Variants in LMBR1 observed in about 807,000 individuals in gnomAD.
LMBR1 encodes limb development membrane protein 1.
In LMBR1, 52 loss-of-function variants were observed where a neutral mutation model predicts 73.9. The observed-to-expected ratio is 0.70, with a 90% CI of 0.56 to 0.89. The LOEUF is 0.89. Among genes scored for constraint, LMBR1 ranks in the 40% least tolerant of loss-of-function variants. The pLI, the probability that LMBR1 is intolerant of heterozygous loss-of-function variation, is 0.00. For missense variants in LMBR1, 539 were observed against 579.8 expected (o/e 0.93, Z 0.72); for synonymous variants, 215 against 209.4 (o/e 1.03, Z -0.23).
chr7:156,793,043 T>C (rs1428136715), intron 5 of LMBR1, among the ~76,000 whole-genome samples: 1 of 152,226 alleles, frequency 6.6e-6, no homozygotes, highest in African/African-American at 2.4e-5. Context: ...CAACTATATG[T>C]GTCAAATGTA....
At chr7:156,757,725 TTAAAG>T (rs1370551827) in intron 8 of LMBR1, among the ~76,000 whole-genome samples, 5 of 152,310 alleles carry the variant, frequency 3.3e-5, no homozygotes, top group African/African-American at 1.2e-4. Flanking sequence ...CTTTCAGACT[TTAAAG>T]TATTTTCAGA....
intron 15 of LMBR1, among the ~76,000 whole-genome samples, chr7:156,718,294 C>G (rs111766108): frequency 0.06 from 9,067 of 150,988 alleles, 360 homozygotes; most frequent in East Asian, 0.15. Flanking sequence ...CAGGTACTTG[C>G]GAGGCTGAGG....
At chr7:156,835,586 T>C (rs1281353453) in intron 2 of LMBR1, among the ~76,000 whole-genome samples, 1 of 150,554 alleles carries the variant, frequency 6.6e-6, no homozygotes, top group Non-Finnish European at 1.5e-5. Context: ...TCCCAGCTAC[T>C]AGGGAGGCTG....
chr7:156,860,411 C>A (rs1797569037), intron 1 of LMBR1, among the ~76,000 whole-genome samples: 1 of 152,142 alleles, frequency 6.6e-6, no homozygotes, highest in Non-Finnish European at 1.5e-5. Context: ...ATTCAATTAC[C>A]TCCCACTGGG....
Position 156,704,716 on chromosome 7 carries a change from G to A in LMBR1, c.1226-16525C>T, listed in dbSNP as rs1242938681. On this transcript the variant is annotated intron_variant, in intron 15 of 16. Transcript: ENST00000353442. The stretch of plus-strand genomic sequence containing the variant: ...AGTACAAAGATCAGAAATCAATATA[G>A]GATGTGAATAAGAAGTTTACTAAGG... Among the ~76,000 whole-genome samples the A allele has an allele frequency of 1.1e-4, 17 of 148,776 alleles. 1 individual carries two copies. Among genetic ancestry groups the A allele is most frequent in the Admixed American group, 1.1e-3 (17 of 14,968 alleles).
At chr7:156,700,969 G>C (rs761411046) in intron 15 of LMBR1, among the ~76,000 whole-genome samples, 1 of 152,300 alleles carries the variant, frequency 6.6e-6, no homozygotes, top group Non-Finnish European at 1.5e-5. Context: ...TTACATGGCA[G>C]CAGCAAGAGA....
chr7:156,865,910 T>A (rs1451321440), intron 1 of LMBR1, among the ~76,000 whole-genome samples: 1 of 152,202 alleles, frequency 6.6e-6, no homozygotes, highest in South Asian at 2.1e-4. Context: ...TGGGACCCCT[T>A]CTTACATTAT....
rs1821773130 is a variant in LMBR1 at position 156,755,862 on chromosome 7, T to C, written c.757+531A>G. ...ACTATTTGTAACTGAAGAAAGTAGG[T>C]AGATACCTGTTTCTCAGCATTTCAT... On this transcript the variant is annotated intron_variant, in intron 9 of 16. Transcript: ENST00000353442. Among the ~76,000 whole-genome samples, 7 of 152,208 alleles carry C rather than the reference T, an allele frequency of 4.6e-5. No individual in the cohort carries two copies. The South Asian group carries it at 1.2e-3, about 27-fold the overall frequency.
At chr7:156,883,412 G>A (rs7797555) in intron 1 of LMBR1, among the ~76,000 whole-genome samples, 2,719 of 152,106 alleles carry the variant, frequency 0.018, 84 homozygotes, top group African/African-American at 0.061. Context: ...AAAAAAAAAG[G>A]AGGACAGAAT....
chr7:156,710,589 T>A (rs886240380), intron 15 of LMBR1, among the ~76,000 whole-genome samples: 6 of 152,154 alleles, frequency 3.9e-5, no homozygotes, highest in Admixed American at 2.6e-4. Context: ...ATCTAAAAGT[T>A]TGGAAAACTT....
At chr7:156,784,986 C>T (rs1351131233) in intron 5 of LMBR1, among the ~76,000 whole-genome samples, 3 of 152,134 alleles carry the variant, frequency 2.0e-5, no homozygotes, top group Non-Finnish European at 4.4e-5. Context: ...ACAATTTTTC[C>T]CGGCACCAGA....
At chr7:156,797,090 C>T (rs1443153294) in intron 4 of LMBR1, among the ~76,000 whole-genome samples, 1 of 152,134 alleles carries the variant, frequency 6.6e-6, no homozygotes, top group African/African-American at 2.4e-5. Flanking sequence ...ATCCAAGTGG[C>T]AGAGCTGACT....
intron 4 of LMBR1, among the ~76,000 whole-genome samples, chr7:156,816,284 C>A (rs1833908620): frequency 6.6e-6 from 1 of 152,088 alleles, no homozygotes; most frequent in African/African-American, 2.4e-5. Flanking sequence ...TGGCTCACTG[C>A]AGCCTCCACC....
chr7:156,763,868 G>T, intron 5 of LMBR1, 73 bp from the exon 6 acceptor site: 1 of 1,265,606 alleles, frequency 7.9e-7, no homozygotes. Flanking sequence ...CTGCCTATAT[G>T]AAAGCATAAA....
At chr7:156,740,745 A>G (rs1818728222) in intron 9 of LMBR1, among the ~76,000 whole-genome samples, 1 of 152,222 alleles carries the variant, frequency 6.6e-6, no homozygotes, top group Non-Finnish European at 1.5e-5. Flanking sequence ...AAGAAATGCT[A>G]AAGGGAGTTC....
chr7:156,817,894 T>C (rs1217225498), intron 4 of LMBR1, among the ~76,000 whole-genome samples: 1 of 152,132 alleles, frequency 6.6e-6, no homozygotes, highest in Non-Finnish European at 1.5e-5. Flanking sequence ...ACCTACATTA[T>C]CATCTATAAT....
intron 9 of LMBR1, among the ~76,000 whole-genome samples, chr7:156,739,680 C>T (rs1238706319): frequency 6.6e-6 from 1 of 152,184 alleles, no homozygotes; most frequent in Non-Finnish European, 1.5e-5. Context: ...TGGATCTTAT[C>T]TAAACCCACT....
At position 156,669,595 on chromosome 7, in the gene LMBR1, T is replaced by C. The variant is rs759787995; in HGVS notation, n.867-308A>G. On this transcript the variant is annotated intron_variant and non_coding_transcript_variant, in intron 4 of 4. Coordinates refer to the LMBR1 transcript ENST00000430825. This position sits in a 1 kb window ranked among gnomAD's most constrained non-coding sequence, Gnocchi z 4.2. ...CCCTGTGAGGCCCTGAGCTGGGCGC[T>C]GAGCAGATAGGTCATTTTCAAGAGG... Among the ~76,000 whole-genome samples the C allele has an allele frequency of 4.6e-5, 7 of 152,110 alleles. No homozygotes were observed. The highest frequency in any genetic ancestry group is 8.8e-5 in the Non-Finnish European group (6 of 68,002).
intron 9 of LMBR1, among the ~76,000 whole-genome samples, chr7:156,741,305 CAAT>C (rs1317500879): frequency 6.6e-6 from 1 of 152,010 alleles, no homozygotes; most frequent in Non-Finnish European, 1.5e-5. Context: ...CCTTACTTAT[CAAT>C]AATAACACTG....
Sources: allele counts gnomAD v4.1 joint callset (sites outside exome capture counted in the v4.1 genomes callset), GRCh38; gene constraint gnomAD v4.1.1; non-coding constraint Gnocchi (gnomAD v3.1); transcripts MANE v1.5; gene names NCBI Gene and HGNC (gene_info 2026-07-23, HGNC 2026-07-21).